The following UBP1 variants were observed in gnomAD, a reference collection of about 807,000 sequenced individuals.
UBP1 encodes upstream binding protein 1.
Under a neutral mutation model 76.1 loss-of-function variants are expected in UBP1, and 22 were observed. The ratio of observed to expected loss-of-function variants is 0.29; its 90% CI spans 0.21 to 0.41. The LOEUF (loss-of-function observed/expected upper bound fraction) is 0.41, where lower values mean the gene tolerates loss of function less well. Ranked by LOEUF, UBP1 falls within the 10% of genes least tolerant of loss-of-function variation. The pLI is 1.00. For missense variants in UBP1, 436 were observed against 668.1 expected, an observed-to-expected ratio of 0.65 and a Z score of 3.83; for synonymous variants, 224 against 237.1, an observed-to-expected ratio of 0.94 and a Z score of 0.51.
At chr3:33,439,668 G>A in intron 1 of UBP1, 68 bp downstream of exon 1, 9 of 1,537,596 alleles carry the variant, frequency 5.9e-6, no homozygotes, top group African/African-American at 1.4e-5. Context: ...GCATCTGGCA[G>A]AGACTCAGGG....
chr3:33,401,419 T>C (rs2044224870), intron 9 of UBP1, among the ~76,000 whole-genome samples: 1 of 152,102 alleles, frequency 6.6e-6, no homozygotes, highest in Non-Finnish European at 1.5e-5. Context: ...CTACAAGAAA[T>C]AGTACAATGA....
At chr3:33,407,815 C>T (rs188641022) in intron 8 of UBP1, among the ~76,000 whole-genome samples, 10 of 152,258 alleles carry the variant, frequency 6.6e-5, no homozygotes, top group East Asian at 1.9e-4. Context: ...ACAGCAGTCA[C>T]GAATACATAT....
At chr3:33,404,026 G>A (rs1004231840) in intron 8 of UBP1, among the ~76,000 whole-genome samples, 1 of 148,338 alleles carries the variant, frequency 6.7e-6, no homozygotes, top group Non-Finnish European at 1.5e-5. Context: ...CGGTAGCCCA[G>A]GATAGCCCAG....
chr3:33,396,097 G>A, intron 13 of UBP1, 65 bp downstream of exon 13: 1 of 1,397,864 alleles, frequency 7.2e-7, no homozygotes, highest in Non-Finnish European at 9.8e-7. Context: ...CTGCTCAATC[G>A]AGTCCTTTCC....
At chr3:33,413,597 A>G (rs1225897549) in intron 3 of UBP1, among the ~76,000 whole-genome samples, 3 of 151,774 alleles carry the variant, frequency 2.0e-5, no homozygotes, top group African/African-American at 7.3e-5. Flanking sequence ...AACTGGCATA[A>G]AACAAAAATC....
chr3:33,430,958 C>T (rs1437635364), intron 1 of UBP1, among the ~76,000 whole-genome samples: 1 of 152,078 alleles, frequency 6.6e-6, no homozygotes, highest in Non-Finnish European at 1.5e-5. Flanking sequence ...CTGGAATTAT[C>T]AGATCCAAAT....
chr3:33,390,562 T>C, intron 15 of UBP1, 194 bp from the exon 16 acceptor site: 3 of 622,106 alleles, frequency 4.8e-6, no homozygotes, highest in Middle Eastern at 2.6e-4. Flanking sequence ...ATTCCCTTTT[T>C]AGACATTCTG....
At chr3:33,399,824 AGT>A (rs2044153351) in intron 11 of UBP1, among the ~76,000 whole-genome samples, 1 of 151,864 alleles carries the variant, frequency 6.6e-6, no homozygotes, top group African/African-American at 2.4e-5. Flanking sequence ...TGAGAAACGG[AGT>A]GAAGAGTACA....
Position 33,440,107 on chromosome 3 carries a change from C to G in UBP1, c.-259G>C. 3.1e-6 allele frequency: 1 copy of G among 323,600 alleles called. No individual in the cohort carries two copies. Among genetic ancestry groups the G allele is most frequent in the South Asian group, 1.4e-4 (1 of 7,382 alleles). The allele number at this position is 323,600 out of a possible 1,614,324, so 20.0% of individuals were successfully genotyped here. On this transcript the variant is annotated 5_prime_UTR_variant, in exon 1 of 16. Transcript: ENST00000283629. ...CGGACACCGGCCCTGCGCCTCATGCCGGCGCCGCCGCCCAGCCCCCGCGCC... is the reference window on the plus strand; with the variant it reads ...CGGACACCGGCCCTGCGCCTCATGCGGGCGCCGCCGCCCAGCCCCCGCGCC...
chr3:33,417,396 A>AT (rs1410160605), intron 2 of UBP1, among the ~76,000 whole-genome samples: 2 of 151,334 alleles, frequency 1.3e-5, no homozygotes, highest in African/African-American at 4.9e-5. Flanking sequence ...ATATGTGGGT[A>AT]TTTGTGCCTT....
intron 3 of UBP1, among the ~76,000 whole-genome samples, chr3:33,415,434 C>A (rs1268410879): frequency 5.9e-5 from 9 of 152,100 alleles, no homozygotes; most frequent in Admixed American, 5.2e-4. Flanking sequence ...AAAAAAAGCA[C>A]AAGGGGAATA....
intron 8 of UBP1, chr3:33,403,584 G>GTCTGTCTGTCTATCTA (rs60697427): frequency 8.7e-5 from 13 of 148,994 alleles, no homozygotes; most frequent in Admixed American, 4.7e-4. Flanking sequence ...CTGTCTGTCT[G>GTCTGTCTGTCTATCTA]TCTATCTATC....
intron 2 of UBP1, among the ~76,000 whole-genome samples, chr3:33,423,050 T>G (rs200943288): frequency 0.25 from 37,498 of 151,338 alleles, 5,374 homozygotes; most frequent in East Asian, 0.47. Flanking sequence ...AGTTTGTTTT[T>G]TTTTTTTTTG....
At chr3:33,417,176 TG>T (rs2044751090) in intron 2 of UBP1, among the ~76,000 whole-genome samples, 2 of 152,314 alleles carry the variant, frequency 1.3e-5, no homozygotes, top group South Asian at 4.1e-4. Context: ...TTAAAAAGTG[TG>T]TAAATCATTG....
At chr3:33,401,497 T>A (rs1184796786) in intron 9 of UBP1, among the ~76,000 whole-genome samples, 1 of 152,148 alleles carries the variant, frequency 6.6e-6, no homozygotes, top group African/African-American at 2.4e-5. Context: ...TGAGGGTGAA[T>A]TTCAAGAGAA....
In UBP1 at chr3:33,425,602, A is replaced by C; in HGVS notation, c.253T>G (p.Tyr85Asp). The C allele has an allele frequency of 6.4e-7, 1 of 1,553,530 alleles. No individual in the cohort carries two copies. The highest frequency in any genetic ancestry group is 8.8e-7 in the Non-Finnish European group (1 of 1,136,498). Residue 85 changes from tyrosine (Y) to aspartate (D), a missense_variant, in exon 2 of 16, where the codon TAT becomes GAT. Transcript: ENST00000283629. ...TAACCACACTAACCTTGGTTCAAAT[A>C]AGTAAGCGTTTCATCATGCAGTTTT... ...AVKLHDETLT[Y>D]LNQGQSYEIR...
At chr3:33,416,517 G>GT (rs1413817068) in intron 3 of UBP1, among the ~76,000 whole-genome samples, 2 of 152,132 alleles carry the variant, frequency 1.3e-5, no homozygotes, top group Non-Finnish European at 2.9e-5. Flanking sequence ...GTGGTGATGA[G>GT]TTTTTTACCC....
intron 1 of UBP1, among the ~76,000 whole-genome samples, chr3:33,436,560 A>G (rs961834287): frequency 7.9e-5 from 12 of 152,222 alleles, no homozygotes; most frequent in African/African-American, 2.9e-4. Flanking sequence ...AAAATTTTTA[A>G]AAGAGTAAGC....
At chr3:33,417,362 T>C (rs1281319885) in intron 2 of UBP1, among the ~76,000 whole-genome samples, 2 of 151,440 alleles carry the variant, frequency 1.3e-5, no homozygotes, top group Non-Finnish European at 2.9e-5. Flanking sequence ...CCACTCTGGA[T>C]ACTTTCATAA....
Sources: gnomAD v4.1 joint callset for allele counts (sites outside exome capture counted in the v4.1 genomes callset) on GRCh38, gnomAD v4.1.1 for gene constraint, MANE v1.5 for transcripts, NCBI Gene and HGNC (gene_info 2026-07-23, HGNC 2026-07-21) for gene names.